FARS2: variants seen among roughly 807,000 people sequenced by gnomAD.
FARS2 encodes the protein phenylalanyl-tRNA synthetase 2, mitochondrial, also known as phenylalanine--tRNA ligase, mitochondrial.
A neutral mutation model predicts 46.4 loss-of-function variants in FARS2; 40 were observed. The ratio of observed to expected loss-of-function variants is 0.86; its 90% confidence interval spans 0.67 to 1.12. The LOEUF (loss-of-function observed/expected upper bound fraction) is 1.12, where lower values mean the gene tolerates loss of function less well. Among genes scored for constraint, FARS2 ranks in the 50% most tolerant of loss-of-function variants. The probability of loss-of-function intolerance (pLI) is 0.00; values close to 1 mark genes in which losing one functional copy is unlikely to be tolerated. For missense variants in FARS2, 513 were observed against 567.9 expected, an observed-to-expected ratio of 0.90 and a Z score of 0.98; for synonymous variants, 234 against 214.9, an observed-to-expected ratio of 1.09 and a Z score of -0.78.
At chr6:5,575,487 C>T (rs1341526243) in intron 5 of FARS2, among the ~76,000 whole-genome samples, 1 of 152,162 alleles carries the variant, frequency 6.6e-6, no homozygotes, top group Non-Finnish European at 1.5e-5. Context: ...CTAAATGCAT[C>T]ATGTGTTTTC....
In FARS2 at chr6:5,311,354, A is replaced by G. The variant is rs1271742550; in HGVS notation, c.-22+49694A>G. On this transcript the variant is annotated intron_variant, in intron 1 of 6. Transcript: ENST00000274680. This position sits in a 1 kb window ranked among gnomAD's most constrained non-coding sequence, Gnocchi z 4.1. ...AGGGATCACAGGAAACTTTTAGGAAAGGTCGCAAAAGCCACTGAGTTGGAG... is the reference window on the plus strand; with the variant it reads ...AGGGATCACAGGAAACTTTTAGGAAGGGTCGCAAAAGCCACTGAGTTGGAG... 2.0e-5 allele frequency among the ~76,000 whole-genome samples: 3 copies of G among 152,214 alleles called. No homozygotes were observed. The highest frequency in any genetic ancestry group is 7.2e-5 in the African/African-American group (3 of 41,464).
rs753710952 is a variant in FARS2, at chr6:5,279,556, ATG to A, written c.-22+17914_-22+17915del. 5.5e-4 allele frequency among the ~76,000 whole-genome samples: 80 copies of A among 146,664 alleles called. No homozygotes were observed. In the South Asian group the frequency reaches 6.9e-3, roughly 13 times the overall value. ...AATATAGAAAAAATAAAAAATATAAATGTGTGTGTGTGTGTGTGTATATATAT... is the reference window on the plus strand; with the variant it reads ...AATATAGAAAAAATAAAAAATATAAATGTGTGTGTGTGTGTGTATATATAT... On this transcript the variant is annotated intron_variant, in intron 1 of 6. Transcript: ENST00000274680.
At chr6:5,656,790 C>T (rs1196747651) in intron 6 of FARS2, among the ~76,000 whole-genome samples, 1 of 152,162 alleles carries the variant, frequency 6.6e-6, no homozygotes, top group Non-Finnish European at 1.5e-5. Context: ...CTCAAGTGAT[C>T]CACCCTCCTC....
At chr6:5,377,081 A>T (rs1429287738) in intron 2 of FARS2, among the ~76,000 whole-genome samples, 2 of 152,228 alleles carry the variant, frequency 1.3e-5, no homozygotes, top group Admixed American at 1.3e-4. Context: ...TTTTTAGAAA[A>T]CATTTGAGAC....
intron 4 of FARS2, among the ~76,000 whole-genome samples, chr6:5,493,225 A>AG (rs1468504942): frequency 1.3e-5 from 2 of 151,506 alleles, no homozygotes; most frequent in Non-Finnish European, 2.9e-5. Flanking sequence ...AAAAAAAAAA[A>AG]AAAGAAAAAG....
chr6:5,361,877 A>G (rs1322486546), intron 1 of FARS2, among the ~76,000 whole-genome samples: 2 of 152,198 alleles, frequency 1.3e-5, no homozygotes, highest in African/African-American at 2.4e-5. Context: ...GTACTACTTA[A>G]TGTTTTCTTT....
intron 4 of FARS2, among the ~76,000 whole-genome samples, chr6:5,521,285 C>T (rs1042424044): frequency 1.3e-5 from 2 of 150,708 alleles, no homozygotes; most frequent in Non-Finnish European, 2.9e-5. Flanking sequence ...CATTTGATAA[C>T]ATTCAGTATT....
At chr6:5,420,330 G>C (rs886551094) in intron 3 of FARS2, among the ~76,000 whole-genome samples, 1 of 152,076 alleles carries the variant, frequency 6.6e-6, no homozygotes, top group East Asian at 1.9e-4. Flanking sequence ...AACCAATCAT[G>C]CCTTCTCAAC....
intron 6 of FARS2, among the ~76,000 whole-genome samples, chr6:5,749,842 GC>G (rs1761844807): frequency 6.6e-6 from 1 of 152,182 alleles, no homozygotes; most frequent in Admixed American, 6.5e-5. Context: ...AGAACATGAA[GC>G]AATCCAGGTC....
At chr6:5,611,469 T>C (rs1775180602) in intron 5 of FARS2, among the ~76,000 whole-genome samples, 1 of 152,202 alleles carries the variant, frequency 6.6e-6, no homozygotes, top group South Asian at 2.1e-4. Flanking sequence ...TCAGTAACCA[T>C]GATCTGTAGT....
At chr6:5,388,160 C>G (rs1023567481) in intron 2 of FARS2, among the ~76,000 whole-genome samples, 2 of 152,088 alleles carry the variant, frequency 1.3e-5, no homozygotes, top group Admixed American at 6.6e-5. Context: ...CTTCAGAAAC[C>G]TGAGATGAAC....
intron 6 of FARS2, among the ~76,000 whole-genome samples, chr6:5,647,094 G>A (rs999613334): frequency 6.6e-6 from 1 of 152,144 alleles, no homozygotes; most frequent in African/African-American, 2.4e-5. Flanking sequence ...TTTGTTTTTT[G>A]TTGTGTTCCT....
chr6:5,726,355 C>T (rs937312609), intron 6 of FARS2, among the ~76,000 whole-genome samples: 6 of 152,134 alleles, frequency 3.9e-5, no homozygotes, highest in African/African-American at 7.2e-5. Flanking sequence ...GGCTGGAGCC[C>T]GCCAGTATGA....
intron 6 of FARS2, among the ~76,000 whole-genome samples, chr6:5,627,186 A>G (rs537915119): frequency 6.6e-6 from 1 of 152,244 alleles, no homozygotes; most frequent in South Asian, 2.1e-4. Context: ...TCTTTCTTTG[A>G]CTGAAATGCC....
Position 5,353,726 on chromosome 6 carries a change from G to GTTTTTTTTTTTT in FARS2, c.-21-14813_-21-14802dup, listed in dbSNP as rs55998904. On this transcript the variant is annotated intron_variant, in intron 1 of 6. Coordinates refer to ENST00000274680, the MANE Select transcript of FARS2 (RefSeq NM_006567.5). ...CTGTTTTTAAATTGTAATATTTGGT[G>GTTTTTTTTTTTT]TTTTTTTTTTTTTTTTTTTTTTGCT... 2.0e-3 allele frequency among the ~76,000 whole-genome samples: 82 copies of GTTTTTTTTTTTT among 40,364 alleles called. 1 individual carries two copies. Among genetic ancestry groups the GTTTTTTTTTTTT allele is most frequent in the African/African-American group, 3.1e-3 (32 of 10,312 alleles). 26.5% of individuals were successfully genotyped at this position (40,364 alleles called of 152,430 possible).
intron 4 of FARS2, among the ~76,000 whole-genome samples, chr6:5,475,425 T>C (rs987304594): frequency 6.6e-6 from 1 of 152,218 alleles, no homozygotes; most frequent in Non-Finnish European, 1.5e-5. Flanking sequence ...CCAAGGAGTT[T>C]AGACTTCCTT....
chr6:5,446,498 T>C (rs758111696), intron 4 of FARS2, among the ~76,000 whole-genome samples: 4 of 152,136 alleles, frequency 2.6e-5, no homozygotes, highest in Non-Finnish European at 4.4e-5. Flanking sequence ...ACCCACATCA[T>C]ATGGATGTAG....
chr6:5,532,909 G>A (rs1449106780), intron 4 of FARS2, among the ~76,000 whole-genome samples: 1 of 152,000 alleles, frequency 6.6e-6, no homozygotes, highest in African/African-American at 2.4e-5. Flanking sequence ...CAACCCTTTT[G>A]ACAAGGAAGG....
intron 6 of FARS2, among the ~76,000 whole-genome samples, chr6:5,658,806 A>G (rs567430597): frequency 6.6e-6 from 1 of 152,314 alleles, no homozygotes; most frequent in Middle Eastern, 3.4e-3. Context: ...TTATTGGATA[A>G]TTTTAAATTT....
Sources: allele counts gnomAD v4.1 joint callset (sites outside exome capture counted in the v4.1 genomes callset), GRCh38; gene constraint gnomAD v4.1.1; non-coding constraint Gnocchi (gnomAD v3.1); transcripts MANE v1.5; gene names NCBI Gene and HGNC (gene_info 2026-07-23, HGNC 2026-07-21).